The following CEP350 variants were observed in gnomAD, a reference collection of about 807,000 sequenced individuals.
The protein encoded by CEP350 is centrosomal protein 350.
A neutral mutation model predicts 331.8 loss-of-function variants in CEP350; 126 were observed. The ratio of observed to expected loss-of-function variants is 0.38; its 90% CI spans 0.33 to 0.44. The LOEUF is 0.44. CEP350 is among the 20% of genes least tolerant of loss of function. CEP350 has a pLI of 1.00. For missense variants in CEP350, 3,406 were observed against 3,634.6 expected (o/e 0.94, Z 1.62); for synonymous variants, 1,200 against 1,259.5 (o/e 0.95, Z 1.00).
At chr1:180,087,509 A>G (rs896136678) in intron 31 of CEP350, 69 bp from the exon 32 acceptor site, 73 of 1,330,706 alleles carry the variant, frequency 5.5e-5, no homozygotes, top group Non-Finnish European at 6.9e-5. Flanking sequence ...CTTAAAATAT[A>G]CTATTTTATA....
At chr1:180,025,380 T>C (rs1384394026) in intron 14 of CEP350, among the ~76,000 whole-genome samples, 2 of 152,184 alleles carry the variant, frequency 1.3e-5, no homozygotes, top group African/African-American at 4.8e-5. Context: ...GGAGATAATG[T>C]ATACATTCCG....
Position 180,037,217 on chromosome 1 carries a change from A to C in CEP350, c.4110+128A>C, listed in dbSNP as rs78401671. ...AGTCTGCCATATAGCACCTATAAAT[A>C]AATAGTCCTGGGAAAAATCTGTCGG... On this transcript the variant is annotated intron_variant, in intron 17 of 37. Transcript: ENST00000367607. The C allele has an allele frequency of 3.2e-5, 22 of 697,866 alleles. No homozygotes were observed. The East Asian group carries it at 7.2e-4, about 23-fold the overall frequency. The allele number at this position is 697,866 out of a possible 1,614,324, so 43.2% of individuals were successfully genotyped here. A position where few individuals can be genotyped will look rare whatever the true frequency, so the allele number is the denominator to read the frequency against.
At chr1:180,052,170 T>C in intron 22 of CEP350, 1 of 453,284 alleles carries the variant, frequency 2.2e-6, no homozygotes, top group East Asian at 7.0e-5. Context: ...GATACAACTG[T>C]AGTAACAAGG....
intron 12 of CEP350, 41 bp from the exon 13 acceptor site, chr1:180,022,657 A>G (rs1446539584): frequency 6.4e-7 from 1 of 1,574,298 alleles, no homozygotes; most frequent in Non-Finnish European, 8.6e-7. Flanking sequence ...CAGTTTCTTG[A>G]TTTTCGTTTT....
At chr1:180,005,142 T>C (rs1654172449) in intron 7 of CEP350, among the ~76,000 whole-genome samples, 1 of 151,840 alleles carries the variant, frequency 6.6e-6, no homozygotes, top group East Asian at 1.9e-4. Context: ...GCTTTAAATG[T>C]TCCCTGTTGC....
chr1:180,053,132 C>G lies in CEP350; in HGVS notation c.4955C>G (p.Ala1652Gly). ...RGHHDDSDEE[A>G]SPEKTTLSTA... is the part of the protein sequence containing the mutation. ...CATCATGATGACTCTGATGAAGAAG[C>G]TTCTCCAGAAAAAACTACACTGTCT... The change falls in exon 23 of 38, where the codon GCT (alanine) becomes GGT (glycine). Residue 1652 changes from alanine to glycine, a missense_variant. This residue lies in a region of CEP350 where 104 missense variants were observed against 143.3 expected (regional missense o/e 0.73). Coordinates refer to ENST00000367607, the MANE Select transcript of CEP350 (RefSeq NM_014810.5). The G allele has an allele frequency of 6.3e-7, 1 of 1,597,726 alleles. No homozygotes were observed. The highest frequency in any genetic ancestry group is 8.5e-7 in the Non-Finnish European group (1 of 1,173,764).
chr1:180,027,736 T>G (rs904113169), intron 14 of CEP350, among the ~76,000 whole-genome samples: 1 of 152,216 alleles, frequency 6.6e-6, no homozygotes, highest in Non-Finnish European at 1.5e-5. Context: ...TTGCTGGATA[T>G]TTAGGTTATT....
Position 180,093,719 on chromosome 1 carries a change from C to G in CEP350, c.7614C>G (p.Asn2538Lys), listed in dbSNP as rs1184776907. The part of the protein sequence containing the change: ...GVELDKPEGN[N>K]NGTYDGIAYF... ...AGTTAGATAAACCTGAAGGAAATAACAATGGAACATATGATGGTATTGCAT... is the reference window on the plus strand; with the variant it reads ...AGTTAGATAAACCTGAAGGAAATAAGAATGGAACATATGATGGTATTGCAT... The change falls in exon 34 of 38, where the codon AAC (asparagine) becomes AAG (lysine). Residue 2538 changes from asparagine (N) to lysine (K), a missense_variant. Coordinates refer to ENST00000367607, the MANE Select transcript of CEP350 (RefSeq NM_014810.5). 1 of 1,613,826 alleles carries G rather than the reference C, an allele frequency of 6.2e-7. No individual in the cohort carries two copies. The highest frequency in any genetic ancestry group is 2.2e-5 in the East Asian group (1 of 44,872).
chr1:180,006,520 GA>G lies in CEP350; in HGVS notation c.1203del (p.Val402SerfsTer4). ...GAGAAGAAAGTAGTCAAGCCAGTAC[GA>G]AAAGTCCAAAAAGTAGCACAGTTAT... The part of the protein sequence containing the change: ...SKEKKVVKPV[R>X]KVQKVAQLSS... On this transcript the variant is annotated frameshift_variant, in exon 8 of 38. Transcript: ENST00000367607. LOFTEE classifies it high-confidence loss of function. The G allele has an allele frequency of 6.4e-7, 1 of 1,555,554 alleles. No individual in the cohort carries two copies. Among genetic ancestry groups the G allele is most frequent in the Non-Finnish European group, 8.7e-7 (1 of 1,148,138 alleles).
At position 180,096,047 on chromosome 1, in the gene CEP350, G is replaced by C. The variant is rs200107537; in HGVS notation, c.8929G>C (p.Asp2977His). The change falls in exon 36 of 38, where the codon GAT becomes CAT. Residue 2977 changes from aspartate (D) to histidine (H), a missense_variant. Coordinates refer to ENST00000367607, the MANE Select transcript of CEP350 (RefSeq NM_014810.5). ...GTTTTTCTCTATCAAGGCGGTTTTT[G>C]ATTTAACAAAAGAGATTTTTGAGGA... ...SKRVYKQAVF[D>H]LTKEIFEEIF... 6.4e-7 allele frequency: 1 copy of C among 1,551,396 alleles called. No individual in the cohort carries two copies. The highest frequency in any genetic ancestry group is 1.4e-5 in the African/African-American group (1 of 72,972).
intron 6 of CEP350, among the ~76,000 whole-genome samples, chr1:179,999,743 G>A (rs919435975): frequency 7.9e-5 from 12 of 152,062 alleles, no homozygotes; most frequent in African/African-American, 2.2e-4. Flanking sequence ...GCAAATAGGA[G>A]TATGTGTGTA....
In CEP350 at chr1:180,111,046, A is replaced by G; in HGVS notation, c.9239A>G (p.Asp3080Gly). Residue 3080 changes from aspartate (D) to glycine (G), a missense_variant, in exon 38 of 38, where the codon GAT becomes GGT. Asp to Gly is a moderately conservative substitution (Grantham distance 94). This residue lies in a region of CEP350 where 29 missense variants were observed against 52.8 expected (regional missense o/e 0.55). Coordinates refer to ENST00000367607, the MANE Select transcript of CEP350 (RefSeq NM_014810.5). The part of the protein sequence containing the change: ...EEAQWVNYDE[D>G]ELCVKMQLAD... ...GCACAGTGGGTGAACTATGATGAGG[A>G]TGAGTTGTGTGTGAAAATGCAGCTA... 6.2e-7 allele frequency: 1 copy of G among 1,613,956 alleles called. No homozygotes were observed.
In CEP350 at chr1:180,022,703, G is replaced by A. The variant is rs764701324; in HGVS notation, c.3241G>A (p.Glu1081Lys). 6 of 1,610,496 alleles carry A rather than the reference G, an allele frequency of 3.7e-6. No individual in the cohort carries two copies. The highest frequency in any genetic ancestry group is 5.1e-6 in the Non-Finnish European group (6 of 1,178,462). The change falls in exon 13 of 38, where the codon GAA becomes AAA. Residue 1081 changes from glutamate (E) to lysine (K), a missense_variant. Glu to Lys is a moderately conservative substitution (Grantham distance 56). This residue lies in a region of CEP350 where 1,857 missense variants were observed against 1,909.2 expected (regional missense o/e 0.97). Transcript: ENST00000367607. Reference sequence around the variant, plus strand: ...TCAATTATTACTTTTGTCAGGGTTTGAAGACAAGTTGGACAGAGGAACATC... The same window carrying A: ...TCAATTATTACTTTTGTCAGGGTTTAAAGACAAGTTGGACAGAGGAACATC... Reference protein sequence around the residue: ...KSYQLYGKGFEDKLDRGTSTS... With the variant: ...KSYQLYGKGFKDKLDRGTSTS...
chr1:180,093,158 C>T lies in CEP350; in HGVS notation c.7053C>T (p.His2351=), dbSNP rs749229723. The part of the protein sequence containing the change: ...SPNIQSGKDI[H]EQKNTKEKDL... The stretch of plus-strand genomic sequence containing the variant: ...ACATCCAATCAGGAAAAGACATTCA[C>T]GAACAAAAGAACACAAAGGAAAAAG... The change falls in exon 34 of 38, where the codon CAC becomes CAT. Residue 2351 remains histidine (H), a synonymous_variant. Coordinates refer to ENST00000367607, the MANE Select transcript of CEP350 (RefSeq NM_014810.5). 1.4e-5 allele frequency: 23 copies of T among 1,598,772 alleles called. No individual in the cohort carries two copies. The East Asian group carries it at 2.0e-4, about 14-fold the overall frequency.
intron 27 of CEP350, among the ~76,000 whole-genome samples, chr1:180,066,561 C>A (rs1981313): frequency 0.99 from 151,308 of 152,318 alleles, 75,162 homozygotes; most frequent in Middle Eastern, 1. Flanking sequence ...ATTGCAAGAA[C>A]GGCATTTCAT....
chr1:180,070,625 C>T (rs113222121), intron 27 of CEP350, among the ~76,000 whole-genome samples: 172 of 152,302 alleles, frequency 1.1e-3, no homozygotes, highest in African/African-American at 3.7e-3. Context: ...AGAGCTGAAA[C>T]TAGAACTCTG....
At chr1:179,977,082 A>G (rs921976246) in intron 1 of CEP350, among the ~76,000 whole-genome samples, 1 of 152,102 alleles carries the variant, frequency 6.6e-6, no homozygotes, top group African/African-American at 2.4e-5. Flanking sequence ...TTTCAATTCC[A>G]AAACTCTGCA....
Position 179,955,031 on chromosome 1 carries a change from CG to C in CEP350, c.-121del. 1.5e-6 allele frequency: 2 copies of C among 1,333,374 alleles called. No homozygotes were observed. The highest frequency in any genetic ancestry group is 3.1e-5 in the East Asian group (1 of 31,956). 82.6% of individuals were successfully genotyped at this position (1,333,374 alleles called of 1,614,324 possible). A position where few individuals can be genotyped will look rare whatever the true frequency, so the allele number is the denominator to read the frequency against. On this transcript the variant is annotated 5_prime_UTR_variant, in exon 1 of 38. Transcript: ENST00000367607. ...GAGGGCACCCGGTGCGTCCCCGGAG[CG>C]GGGAGGCCAGGCCGGGCAGCCCTGG...
chr1:180,041,513 T>C (rs1443629364), intron 18 of CEP350, 149 bp from the exon 19 acceptor site: 2 of 807,452 alleles, frequency 2.5e-6, no homozygotes, highest in African/African-American at 3.5e-5. Flanking sequence ...TTGTGAACAG[T>C]AGAGTTAAGA....
Sources: allele counts gnomAD v4.1 joint callset (sites outside exome capture counted in the v4.1 genomes callset), GRCh38; gene constraint gnomAD v4.1.1; regional missense constraint gnomAD v4.1.1; transcripts MANE v1.5; gene names NCBI Gene and HGNC (gene_info 2026-07-23, HGNC 2026-07-21).